The following TMEM38B variants were observed in gnomAD, a reference collection of about 807,000 sequenced individuals.
The protein encoded by TMEM38B is transmembrane protein 38B, also known as trimeric intracellular cation channel type B.
TMEM38B carries 24 observed loss-of-function variants against 28.7 expected under a neutral mutation model. The ratio of observed to expected loss-of-function variants is 0.84; its 90% CI spans 0.61 to 1.18. The LOEUF is 1.18. Among genes scored for constraint, TMEM38B ranks in the 50% most tolerant of loss-of-function variants. The probability of loss-of-function intolerance (pLI) is 0.00; values close to 1 mark genes in which losing one functional copy is unlikely to be tolerated. For synonymous variants in TMEM38B, 131 were observed against 127.7 expected, an observed-to-expected ratio of 1.03 and a Z score of -0.17; for missense variants, 380 against 350.9, an observed-to-expected ratio of 1.08 and a Z score of -0.66.
chr9:105,771,795 G>A (rs1243530681), intron 5 of TMEM38B, among the ~76,000 whole-genome samples: 1 of 152,228 alleles, frequency 6.6e-6, no homozygotes, highest in Non-Finnish European at 1.5e-5. Context: ...CCTTTCGCTT[G>A]TATGATAAAT....
chr9:105,735,455 A>G (rs1254739661), intron 4 of TMEM38B, among the ~76,000 whole-genome samples: 1 of 152,232 alleles, frequency 6.6e-6, no homozygotes, highest in Non-Finnish European at 1.5e-5. Context: ...ACTCTTAAGC[A>G]TTTCTTGTAA....
At chr9:105,722,470 C>A in intron 3 of TMEM38B, 64 bp from the exon 4 acceptor site, 1 of 1,232,076 alleles carries the variant, frequency 8.1e-7, no homozygotes. Context: ...AATTATGGCT[C>A]CCTTTAAATA....
At chr9:105,750,705 A>G (rs2133622863) in intron 5 of TMEM38B, among the ~76,000 whole-genome samples, 1 of 152,338 alleles carries the variant, frequency 6.6e-6, no homozygotes, top group African/African-American at 2.4e-5. Context: ...GTCATAGCTA[A>G]GAAACCGTTG....
At chr9:105,744,354 A>T (rs1342665745) in intron 4 of TMEM38B, among the ~76,000 whole-genome samples, 1 of 152,034 alleles carries the variant, frequency 6.6e-6, no homozygotes, top group Non-Finnish European at 1.5e-5. Context: ...GGAAGACAAT[A>T]AATGAGTATT....
rs2133618562 is a variant in TMEM38B, at chr9:105,748,116, C to T, written c.586C>T (p.Gln196Ter). ...GCTGGGGTCAGTTATCTTCACATTC[C>T]AGCACACCCAGCATCTGGCAATATC... ...TLLGSVIFTF[Q>*]HTQHLAISKH... is the part of the protein sequence containing the mutation. The change falls in exon 5 of 6, where the codon CAG becomes TAG. Residue 196 changes from glutamine (Q) to a stop codon, truncating the protein, a stop_gained. Coordinates refer to ENST00000374692, the MANE Select transcript of TMEM38B (RefSeq NM_018112.3). LOFTEE classifies it high-confidence loss of function. 2 of 1,613,566 alleles carry T rather than the reference C, an allele frequency of 1.2e-6. No individual in the cohort carries two copies. Among genetic ancestry groups the T allele is most frequent in the South Asian group, 1.1e-5 (1 of 91,054 alleles).
intron 5 of TMEM38B, among the ~76,000 whole-genome samples, chr9:105,765,180 A>G (rs949090718): frequency 6.6e-6 from 1 of 152,210 alleles, no homozygotes; most frequent in African/African-American, 2.4e-5. Context: ...ATAGATTTGT[A>G]AAATGTGGAT....
At chr9:105,725,558 C>G (rs1200472327) in intron 4 of TMEM38B, among the ~76,000 whole-genome samples, 1 of 151,892 alleles carries the variant, frequency 6.6e-6, no homozygotes, top group Non-Finnish European at 1.5e-5. Context: ...CTTACACAAA[C>G]CTAGATGGTA....
At position 105,710,731 on chromosome 9, in the gene TMEM38B, AT is replaced by A. The variant is rs997087947; in HGVS notation, c.269+4979del. On this transcript the variant is annotated intron_variant, in intron 2 of 5. Coordinates refer to ENST00000374692, the MANE Select transcript of TMEM38B (RefSeq NM_018112.3). The stretch of plus-strand genomic sequence containing the variant: ...ATCTTCAGACCTGGTGTCGTTGGCT[AT>A]GTTCCTGACAAACAGAGACATGTTG... 8.2e-6 allele frequency: 5 copies of A among 612,684 alleles called. No homozygotes were observed. The African/African-American group carries it at 9.1e-5, about 11-fold the overall frequency. 38.0% of individuals were successfully genotyped at this position (612,684 alleles called of 1,614,324 possible). A position where few individuals can be genotyped will look rare whatever the true frequency, so the allele number is the denominator to read the frequency against.
chr9:105,757,841 A>G (rs182559578), intron 5 of TMEM38B, among the ~76,000 whole-genome samples: 1 of 152,298 alleles, frequency 6.6e-6, no homozygotes, highest in Admixed American at 6.5e-5. Flanking sequence ...GAAGATGAAG[A>G]GTATAAACTA....
chr9:105,747,542 G>C (rs1588450557), intron 4 of TMEM38B, among the ~76,000 whole-genome samples: 1 of 152,048 alleles, frequency 6.6e-6, no homozygotes, highest in Admixed American at 6.6e-5. Flanking sequence ...TGGATTCATT[G>C]ATTTTTTGAA....
chr9:105,760,286 G>C (rs767468184), intron 5 of TMEM38B: 55 of 782,962 alleles, frequency 7.0e-5, no homozygotes, highest in Non-Finnish European at 1.2e-4. Flanking sequence ...GTGCTATGCT[G>C]TGCTGAAAAA....
intron 2 of TMEM38B, among the ~76,000 whole-genome samples, chr9:105,715,955 G>C (rs1321449702): frequency 6.6e-6 from 1 of 151,772 alleles, no homozygotes; most frequent in Non-Finnish European, 1.5e-5. Flanking sequence ...TGATACTTTT[G>C]GTCATTTTTA....
At chr9:105,743,408 A>G (rs961865174) in intron 4 of TMEM38B, among the ~76,000 whole-genome samples, 5 of 152,040 alleles carry the variant, frequency 3.3e-5, no homozygotes, top group African/African-American at 1.2e-4. Context: ...GCTTATAGGA[A>G]CCTTTAGATT....
intron 5 of TMEM38B, among the ~76,000 whole-genome samples, chr9:105,756,105 C>T (rs772346349): frequency 3.3e-5 from 5 of 152,020 alleles, no homozygotes; most frequent in African/African-American, 4.8e-5. Flanking sequence ...GCCGAGATCG[C>T]GCCATTGCAC....
chr9:105,725,307 A>G (rs1836469517), intron 4 of TMEM38B, among the ~76,000 whole-genome samples: 1 of 150,756 alleles, frequency 6.6e-6, no homozygotes, highest in South Asian at 2.1e-4. Flanking sequence ...CAACGAATAT[A>G]AAATGCTAGG....
intron 5 of TMEM38B, among the ~76,000 whole-genome samples, chr9:105,755,519 T>G (rs1418322168): frequency 6.6e-6 from 1 of 152,206 alleles, no homozygotes; most frequent in African/African-American, 2.4e-5. Context: ...TTGTTGTTCT[T>G]TTTCAGAATT....
intron 4 of TMEM38B, among the ~76,000 whole-genome samples, chr9:105,731,126 T>A (rs966429645): frequency 7.2e-5 from 11 of 152,044 alleles, no homozygotes; most frequent in African/African-American, 2.7e-4. Flanking sequence ...GTGTTTGCTC[T>A]TGCTTCTCTA....
intron 4 of TMEM38B, among the ~76,000 whole-genome samples, chr9:105,726,672 A>T (rs547901871): frequency 9.8e-4 from 149 of 152,300 alleles, no homozygotes; most frequent in African/African-American, 3.5e-3. Context: ...GCAGTGGCTC[A>T]TGTCTGTAAT....
intron 1 of TMEM38B, among the ~76,000 whole-genome samples, chr9:105,705,391 A>G (rs961519948): frequency 6.6e-6 from 1 of 152,220 alleles, no homozygotes; most frequent in Non-Finnish European, 1.5e-5. Context: ...CAAAGTGCCA[A>G]AAATCACCCA....
Sources: gnomAD v4.1 joint callset for allele counts (sites outside exome capture counted in the v4.1 genomes callset) on GRCh38, gnomAD v4.1.1 for gene constraint, MANE v1.5 for transcripts, NCBI Gene and HGNC (gene_info 2026-07-23, HGNC 2026-07-21) for gene names.